DAAM1: variants seen among roughly 807,000 people sequenced by gnomAD.
The protein encoded by DAAM1 is dishevelled associated activator of morphogenesis 1, also known as disheveled-associated activator of morphogenesis 1.
DAAM1 carries 52 observed loss-of-function variants against 130.0 expected under a neutral mutation model. The observed-to-expected ratio is 0.40, with a 90% CI of 0.32 to 0.50. The LOEUF is 0.50. Among genes scored for constraint, DAAM1 ranks in the 20% least tolerant of loss-of-function variants. The pLI is 0.61. For synonymous variants in DAAM1, 452 were observed against 444.5 expected (o/e 1.02, Z -0.21); for missense variants, 1,134 against 1,303.8 (o/e 0.87, Z 2.01).
chr14:59,317,085 G>A (rs1260597282), intron 4 of DAAM1, among the ~76,000 whole-genome samples: 2 of 152,110 alleles, frequency 1.3e-5, no homozygotes, highest in African/African-American at 4.8e-5. Flanking sequence ...CCACATTCTT[G>A]AGTGATCTAC....
rs763838613 is a variant in DAAM1, at chr14:59,291,229, C to T, written c.196C>T (p.Leu66Phe). 3 of 1,609,734 alleles carry T rather than the reference C, an allele frequency of 1.9e-6. No individual in the cohort carries two copies. Among genetic ancestry groups the T allele is most frequent in the South Asian group, 2.2e-5 (2 of 90,004 alleles). ...MFSELVDELD[L>F]TDKHREAMFA... ...TCTTTCTTCTCAGGATGAACTGGACCTCACAGACAAACACAGAGAAGCCAT... is the reference window on the plus strand; with the variant it reads ...TCTTTCTTCTCAGGATGAACTGGACTTCACAGACAAACACAGAGAAGCCAT... Residue 66 changes from leucine (L) to phenylalanine (F), a missense_variant, in exon 3 of 25, where the codon CTC (leucine) becomes TTC (phenylalanine). Around this residue, in one of 3 missense-constraint regions of DAAM1, gnomAD observed 99 missense variants for 86.4 expected, o/e 1.15. Coordinates refer to ENST00000360909, the MANE Select transcript of DAAM1 (RefSeq NM_001270520.2).
At chr14:59,225,019 G>GGTTT (rs1566656869) in intron 1 of DAAM1, among the ~76,000 whole-genome samples, 6 of 90,784 alleles carry the variant, frequency 6.6e-5, no homozygotes, top group African/African-American at 1.4e-4. Context: ...ATCTGTGTGG[G>GGTTT]TTTTTTTTTT....
At position 59,369,408 on chromosome 14, in the gene DAAM1, C is replaced by A. The variant is rs934527849; in HGVS notation, c.*549C>A. ...TGTATCACATCAGTAATAGGACCAG[C>A]TTTGAATTTCTGACATTGGTGTGGG... On this transcript the variant is annotated 3_prime_UTR_variant, in exon 25 of 25. Transcript: ENST00000360909. 4 of 152,626 alleles carry A rather than the reference C, an allele frequency of 2.6e-5. No homozygotes were observed. Among genetic ancestry groups the A allele is most frequent in the Admixed American group, 2.0e-4 (3 of 15,284 alleles). The allele number at this position is 152,626 out of a possible 1,614,324, so 9.5% of individuals were successfully genotyped here.
chr14:59,346,588 G>A (rs775020537), intron 16 of DAAM1, among the ~76,000 whole-genome samples: 6 of 152,082 alleles, frequency 3.9e-5, no homozygotes, highest in Non-Finnish European at 8.8e-5. Flanking sequence ...GCAGCATAGT[G>A]AGACCCCATT....
chr14:59,304,734 A>G (rs913913030), intron 3 of DAAM1, among the ~76,000 whole-genome samples: 3 of 152,128 alleles, frequency 2.0e-5, no homozygotes, highest in Admixed American at 6.5e-5. Context: ...TCATGAGTAC[A>G]TTGTAGAGTT....
chr14:59,279,486 C>T (rs1057053088), intron 2 of DAAM1, among the ~76,000 whole-genome samples: 1 of 152,162 alleles, frequency 6.6e-6, no homozygotes, highest in African/African-American at 2.4e-5. Context: ...TCTTGCCCAG[C>T]AGCCTATCTA....
chr14:59,292,108 T>C lies in DAAM1; in HGVS notation c.273+802T>C, dbSNP rs112218259. Among the ~76,000 whole-genome samples the C allele has an allele frequency of 2.6e-5, 4 of 152,204 alleles. 1 individual carries two copies. The highest frequency in any genetic ancestry group is 7.2e-5 in the African/African-American group (3 of 41,532). ...TTCTGAGGATATCCCTACACCCATT[T>C]TGGGGACTCCTTCTGTTCATGGCCA... On this transcript the variant is annotated intron_variant, in intron 3 of 24. Coordinates refer to ENST00000360909, the MANE Select transcript of DAAM1 (RefSeq NM_001270520.2).
intron 4 of DAAM1, among the ~76,000 whole-genome samples, chr14:59,319,472 G>A (rs1439972222): frequency 6.6e-6 from 1 of 152,168 alleles, no homozygotes; most frequent in Non-Finnish European, 1.5e-5. Context: ...ATGGATATGA[G>A]TCAAGCTTTT....
At chr14:59,213,626 G>A (rs1400270256) in intron 1 of DAAM1, among the ~76,000 whole-genome samples, 1 of 152,184 alleles carries the variant, frequency 6.6e-6, no homozygotes, top group Admixed American at 6.6e-5. Flanking sequence ...GTAATACCAG[G>A]GGACTCAAAT....
intron 2 of DAAM1, among the ~76,000 whole-genome samples, chr14:59,276,918 C>A (rs1431433093): frequency 2.6e-5 from 4 of 152,180 alleles, no homozygotes; most frequent in Admixed American, 2.0e-4. Flanking sequence ...CCACCTCAAT[C>A]ATTATTTGAA....
intron 12 of DAAM1, among the ~76,000 whole-genome samples, chr14:59,329,681 C>T (rs1006667353): frequency 6.6e-6 from 1 of 152,156 alleles, no homozygotes; most frequent in Non-Finnish European, 1.5e-5. Flanking sequence ...TTCCAAAACT[C>T]ATCACTCCTT....
In DAAM1 at chr14:59,369,782, TG is replaced by T. The variant is rs1887085167; in HGVS notation, c.*927del. 4 of 136,900 alleles carry T rather than the reference TG, an allele frequency of 2.9e-5. No homozygotes were observed. In the South Asian group the frequency reaches 7.1e-4, roughly 24 times the overall value. 8.5% of individuals were successfully genotyped at this position (136,900 alleles called of 1,614,324 possible). On this transcript the variant is annotated 3_prime_UTR_variant, in exon 25 of 25. Coordinates refer to ENST00000360909, the MANE Select transcript of DAAM1 (RefSeq NM_001270520.2). ...AAAAAAAAAAAAAAAAAAAAATTAATGGGGTGCCTTTTTGTTATAGTTTCTA... is the reference window on the plus strand; with the variant it reads ...AAAAAAAAAAAAAAAAAAAAATTAATGGGTGCCTTTTTGTTATAGTTTCTA...
intron 3 of DAAM1, among the ~76,000 whole-genome samples, chr14:59,311,910 G>A (rs1350193126): frequency 5.9e-5 from 9 of 151,880 alleles, no homozygotes; most frequent in African/African-American, 2.2e-4. Context: ...TGTTGCCCAG[G>A]CTCATCTTGA....
intron 1 of DAAM1, among the ~76,000 whole-genome samples, chr14:59,240,158 G>T (rs1450065998): frequency 3.9e-5 from 6 of 152,180 alleles, no homozygotes; most frequent in Non-Finnish European, 8.8e-5. Flanking sequence ...GTGGCTAGAG[G>T]GGGGTATGGC....
At position 59,322,884 on chromosome 14, in the gene DAAM1, C is replaced by A. The variant is rs1261018299; in HGVS notation, c.441-8C>A. 1.1e-5 allele frequency: 17 copies of A among 1,599,910 alleles called. No individual in the cohort carries two copies. Among genetic ancestry groups the A allele is most frequent in the Non-Finnish European group, 1.5e-5 (17 of 1,170,882 alleles). On this transcript the variant is annotated splice_polypyrimidine_tract_variant and splice_region_variant and intron_variant, in intron 5 of 24. Coordinates refer to ENST00000360909, the MANE Select transcript of DAAM1 (RefSeq NM_001270520.2). ...CACTTAAGCATGGTGCATTTCTCTT[C>A]ATGACAGGTTTGTAACCAGATTCAT...
chr14:59,275,893 T>C (rs1330445207), intron 2 of DAAM1, among the ~76,000 whole-genome samples: 3 of 152,200 alleles, frequency 2.0e-5, no homozygotes, highest in Admixed American at 6.5e-5. Flanking sequence ...GTGAGTCATA[T>C]TGTGGTATTT....
chr14:59,338,334 T>A, intron 15 of DAAM1: 2 of 1,600,030 alleles, frequency 1.2e-6, no homozygotes, highest in Non-Finnish European at 1.7e-6. Flanking sequence ...CTGTGACTTC[T>A]GAACTGCATA....
intron 2 of DAAM1, among the ~76,000 whole-genome samples, chr14:59,277,289 A>G (rs951766197): frequency 6.6e-6 from 1 of 151,986 alleles, no homozygotes; most frequent in East Asian, 1.9e-4. Flanking sequence ...GTAGCATGCC[A>G]ATTGTTTTCT....
intron 23 of DAAM1, among the ~76,000 whole-genome samples, chr14:59,365,192 G>A (rs1594854213): frequency 6.6e-6 from 1 of 152,120 alleles, no homozygotes; most frequent in Non-Finnish European, 1.5e-5. Context: ...TGTGTGTAGG[G>A]GGTGGAACTT....
Sources: allele counts gnomAD v4.1 joint callset (sites outside exome capture counted in the v4.1 genomes callset), GRCh38; gene constraint gnomAD v4.1.1; regional missense constraint gnomAD v4.1.1; transcripts MANE v1.5; gene names NCBI Gene and HGNC (gene_info 2026-07-23, HGNC 2026-07-21).